The following TRIM44 variants were observed in gnomAD, a reference collection of about 807,000 sequenced individuals.
The protein encoded by TRIM44 is tripartite motif containing 44, also known as tripartite motif-containing protein 44.
A neutral mutation model predicts 37.4 loss-of-function variants in TRIM44; 13 were observed. That is an observed-to-expected ratio of 0.35 (90% confidence interval 0.23 to 0.55). TRIM44 has a LOEUF of 0.55. TRIM44 is among the 20% of genes least tolerant of loss of function. The pLI is 0.89. For synonymous variants in TRIM44, 175 were observed against 157.2 expected (o/e 1.11, Z -0.85); for missense variants, 426 against 437.2 (o/e 0.97, Z 0.23).
chr11:35,732,641 A>G (rs16927870), intron 3 of TRIM44, among the ~76,000 whole-genome samples: 18,652 of 152,124 alleles, frequency 0.12, 1,201 homozygotes, highest in Non-Finnish European at 0.14. Flanking sequence ...TAGAGTGGCA[A>G]ACCCTACAAA....
At chr11:35,731,385 G>A (rs1347396104) in intron 3 of TRIM44, among the ~76,000 whole-genome samples, 1 of 151,918 alleles carries the variant, frequency 6.6e-6, no homozygotes, top group Admixed American at 6.6e-5. Flanking sequence ...AATCATGTTG[G>A]TTAATTTTAC....
intron 4 of TRIM44, among the ~76,000 whole-genome samples, chr11:35,763,064 A>G (rs1852748840): frequency 6.6e-6 from 1 of 152,204 alleles, no homozygotes; most frequent in Non-Finnish European, 1.5e-5. Context: ...TTTCTCACAT[A>G]CTACATGTCC....
At chr11:35,674,005 C>A (rs564379905) in intron 1 of TRIM44, among the ~76,000 whole-genome samples, 56 of 152,074 alleles carry the variant, frequency 3.7e-4, no homozygotes, top group African/African-American at 1.3e-3. Context: ...GTTTCCTGTT[C>A]TTATTATTGT....
At chr11:35,806,087 A>G (rs1853444146) in intron 4 of TRIM44, among the ~76,000 whole-genome samples, 1 of 152,212 alleles carries the variant, frequency 6.6e-6, no homozygotes, top group Non-Finnish European at 1.5e-5. Flanking sequence ...CGTACTGTAT[A>G]CCAGGTACTG....
intron 4 of TRIM44, among the ~76,000 whole-genome samples, chr11:35,764,480 G>C (rs1207246315): frequency 6.6e-6 from 1 of 152,156 alleles, no homozygotes; most frequent in Non-Finnish European, 1.5e-5. Flanking sequence ...AGTCAGCACT[G>C]TACTTTATTA....
At chr11:35,674,889 G>A (rs1851441651) in intron 1 of TRIM44, among the ~76,000 whole-genome samples, 2 of 152,200 alleles carry the variant, frequency 1.3e-5, no homozygotes, top group African/African-American at 4.8e-5. Context: ...GATATCACTG[G>A]AGGGCATGGA....
At chr11:35,718,538 T>C (rs1852064735) in intron 2 of TRIM44, among the ~76,000 whole-genome samples, 1 of 152,212 alleles carries the variant, frequency 6.6e-6, no homozygotes, top group African/African-American at 2.4e-5. Flanking sequence ...TGTACTAGAA[T>C]AGTACATTTG....
chr11:35,708,066 A>G (rs1481663485), intron 2 of TRIM44, among the ~76,000 whole-genome samples: 1 of 138,748 alleles, frequency 7.2e-6, no homozygotes, highest in Admixed American at 7.4e-5. Flanking sequence ...ATTTACAAGA[A>G]AAATACAACC....
At chr11:35,803,964 C>T (rs1853405071) in intron 4 of TRIM44, among the ~76,000 whole-genome samples, 1 of 144,738 alleles carries the variant, frequency 6.9e-6, no homozygotes, top group Admixed American at 7.0e-5. Flanking sequence ...AAGATGCTTT[C>T]TTTGAAGGTA....
intron 4 of TRIM44, among the ~76,000 whole-genome samples, chr11:35,757,423 A>G (rs1317061795): frequency 6.6e-6 from 1 of 151,714 alleles, no homozygotes; most frequent in East Asian, 1.9e-4. Flanking sequence ...GCAGTCTATC[A>G]ATTTTGTTGA....
intron 4 of TRIM44, among the ~76,000 whole-genome samples, chr11:35,796,840 A>T (rs145504302): frequency 1.3e-5 from 2 of 152,364 alleles, no homozygotes; most frequent in African/African-American, 4.8e-5. Context: ...GATGGAACAG[A>T]TAGACCCATA....
intron 1 of TRIM44, among the ~76,000 whole-genome samples, chr11:35,668,471 T>C (rs560764972): frequency 6.6e-6 from 1 of 152,358 alleles, no homozygotes; most frequent in South Asian, 2.1e-4. Flanking sequence ...CAGCATTTGG[T>C]TTTCTGTTCC....
intron 2 of TRIM44, among the ~76,000 whole-genome samples, chr11:35,722,398 A>G (rs1322182527): frequency 6.6e-6 from 1 of 152,238 alleles, no homozygotes; most frequent in East Asian, 1.9e-4. Flanking sequence ...GGGCGAGTCC[A>G]TATAGTGAAA....
chr11:35,714,767 T>A (rs530661293), intron 2 of TRIM44, among the ~76,000 whole-genome samples: 44 of 152,222 alleles, frequency 2.9e-4, no homozygotes, highest in Middle Eastern at 3.4e-3. Flanking sequence ...AAACTTTCAG[T>A]GTCACTTTCC....
At chr11:35,722,041 C>T (rs936873673) in intron 2 of TRIM44, among the ~76,000 whole-genome samples, 2 of 152,220 alleles carry the variant, frequency 1.3e-5, no homozygotes, top group Admixed American at 1.3e-4. Context: ...TAACTTTGAA[C>T]TTCCCAACTT....
At chr11:35,775,493 C>T (rs577369578) in intron 4 of TRIM44, among the ~76,000 whole-genome samples, 1 of 152,312 alleles carries the variant, frequency 6.6e-6, no homozygotes, top group South Asian at 2.1e-4. Flanking sequence ...CTGGCCAGAA[C>T]TTCCAGCACT....
At chr11:35,707,340 A>ATTTAT (rs1851900097) in intron 2 of TRIM44, among the ~76,000 whole-genome samples, 1 of 152,208 alleles carries the variant, frequency 6.6e-6, no homozygotes, top group Non-Finnish European at 1.5e-5. Flanking sequence ...CATACTGCCC[A>ATTTAT]AGGTAATTTA....
intron 2 of TRIM44, among the ~76,000 whole-genome samples, chr11:35,719,776 A>G (rs772923176): frequency 2.0e-5 from 3 of 152,176 alleles, no homozygotes; most frequent in Non-Finnish European, 4.4e-5. Flanking sequence ...GTGGATGTCT[A>G]GTTGTTCCAG....
chr11:35,796,165 A>C (rs1391769910), intron 4 of TRIM44, among the ~76,000 whole-genome samples: 10 of 152,154 alleles, frequency 6.6e-5, no homozygotes. Flanking sequence ...CTACAACTTC[A>C]GTTGAAGGTC....
Sources: allele counts gnomAD v4.1 joint callset (sites outside exome capture counted in the v4.1 genomes callset), GRCh38; gene constraint gnomAD v4.1.1; transcripts MANE v1.5; gene names NCBI Gene and HGNC (gene_info 2026-07-23, HGNC 2026-07-21).